SBNO2: variants seen among roughly 807,000 people sequenced by gnomAD.
The protein encoded by SBNO2 is strawberry notch homolog 2, also known as protein strawberry notch homolog 2.
SBNO2 carries 89 observed loss-of-function variants against 146.3 expected under a neutral mutation model. The ratio of observed to expected loss-of-function variants is 0.61; its 90% CI spans 0.51 to 0.73. SBNO2 has a LOEUF of 0.73. Ranked by LOEUF, SBNO2 falls within the 30% of genes least tolerant of loss-of-function variation. The pLI is 0.00. For missense variants in SBNO2, 2,092 were observed against 2,003.7 expected (o/e 1.04, Z -0.84); for synonymous variants, 1,147 against 892.6 (o/e 1.29, Z -5.08).
In SBNO2 at chr19:1,132,970, G is replaced by A. The variant is rs12971921; in HGVS notation, c.280-5205C>T. On this transcript the variant is annotated intron_variant, in intron 4 of 31. Transcript: ENST00000361757. ...GATGCACTTGCTGGGGCAACCCCGG[G>A]CCGCGAGCCCGCCCGCGGCCACACT... Among the ~76,000 whole-genome samples, 697 of 152,338 alleles carry A rather than the reference G, an allele frequency of 4.6e-3. 4 individuals are homozygous for A. Among genetic ancestry groups the A allele is most frequent in the African/African-American group, 0.01 (430 of 41,590 alleles).
intron 15 of SBNO2, 102 bp from the exon 16 acceptor site, chr19:1,117,028 C>A: frequency 8.8e-7 from 1 of 1,130,844 alleles, no homozygotes; most frequent in South Asian, 1.4e-5. Context: ...CCTCACTCTG[C>A]TGCTGTGCTC....
In SBNO2 at chr19:1,119,143, G is replaced by A. The variant is rs1303933236; in HGVS notation, c.1395C>T (p.Ile465=). 6.9e-6 allele frequency: 11 copies of A among 1,601,956 alleles called. No homozygotes were observed. Among genetic ancestry groups the A allele is most frequent in the Admixed American group, 1.7e-5 (1 of 59,260 alleles). Residue 465 remains isoleucine, a synonymous_variant, in exon 14 of 32, where the codon ATC becomes ATT. Coordinates refer to ENST00000361757, the MANE Select transcript of SBNO2 (RefSeq NM_014963.3). The part of the protein sequence containing the change: ...IEKRGVGAME[I]VAMDMKVSGM... Reference sequence around the variant, plus strand: ...CGCTGACCTTCATGTCCATGGCCACGATCTCCATGGCGCCAACGCCCCTGC... The same window carrying A: ...CGCTGACCTTCATGTCCATGGCCACAATCTCCATGGCGCCAACGCCCCTGC...
At chr19:1,128,593 G>A (rs886883039) in intron 4 of SBNO2, among the ~76,000 whole-genome samples, 1 of 151,346 alleles carries the variant, frequency 6.6e-6, no homozygotes, top group Non-Finnish European at 1.5e-5. Flanking sequence ...GGGTTTCACC[G>A]TGTTGGTCAG....
At chr19:1,120,768 A>G (rs1293047787) in intron 11 of SBNO2, among the ~76,000 whole-genome samples, 1 of 152,190 alleles carries the variant, frequency 6.6e-6, no homozygotes, top group Non-Finnish European at 1.5e-5. Flanking sequence ...TCCCTGGTTC[A>G]AGCGATTCTC....
chr19:1,130,424 C>T (rs992618297), intron 4 of SBNO2, among the ~76,000 whole-genome samples: 2 of 151,438 alleles, frequency 1.3e-5, no homozygotes, highest in Non-Finnish European at 2.9e-5. Context: ...CCCAGGTGGT[C>T]GAGGCTGCAG....
rs1365649935 is a variant in SBNO2, at chr19:1,157,998, C to T, written c.-126-3596G>A. 6.6e-6 allele frequency among the ~76,000 whole-genome samples: 1 copy of T among 150,792 alleles called. No homozygotes were observed. Among genetic ancestry groups the T allele is most frequent in the African/African-American group, 2.5e-5 (1 of 40,468 alleles). ...GTCCGGATAACTGTCCGCCTCCCAG[C>T]TCTCTCCTGAGTCTGGGTAACTGCA... is the stretch of plus-strand genomic sequence containing the variant. On this transcript the variant is annotated intron_variant, in intron 1 of 31. Transcript: ENST00000361757. The surrounding 1 kb of genome is among the most constrained non-coding windows in gnomAD (Gnocchi z 6.8).
intron 11 of SBNO2, among the ~76,000 whole-genome samples, chr19:1,120,912 GAC>G (rs1442472276): frequency 1.1e-4 from 17 of 148,932 alleles, no homozygotes; most frequent in East Asian, 5.9e-4. Context: ...TTTTAGATGA[GAC>G]ACAGTCTCGC....
Position 1,173,064 on chromosome 19 carries a change from A to G in SBNO2, c.-127+1108T>C, listed in dbSNP as rs2080496953. 1.3e-5 allele frequency among the ~76,000 whole-genome samples: 2 copies of G among 149,996 alleles called. No individual in the cohort carries two copies. Among genetic ancestry groups the G allele is most frequent in the South Asian group, 2.1e-4 (1 of 4,756 alleles). On this transcript the variant is annotated intron_variant, in intron 1 of 31. Coordinates refer to ENST00000361757, the MANE Select transcript of SBNO2 (RefSeq NM_014963.3). The surrounding 1 kb of genome is among the most constrained non-coding windows in gnomAD (Gnocchi z 4.7). ...GGGAGACACCCACCGTCCCTGCCCC[A>G]GCACCATCCGTGCCCGGCGTCCCTG...
chr19:1,162,176 A>G, intron 1 of SBNO2, among the ~76,000 whole-genome samples: 1 of 6,604 alleles, frequency 1.5e-4, no homozygotes, highest in Non-Finnish European at 4.0e-4. Context: ...TTAAAATAAT[A>G]CAGCCGGGAA....
chr19:1,127,522 A>C (rs778296114), intron 5 of SBNO2, 82 bp downstream of exon 5: 7 of 1,314,400 alleles, frequency 5.3e-6, no homozygotes, highest in Non-Finnish European at 7.5e-6. Flanking sequence ...GGAGACTGAG[A>C]CCTCACTGGA....
intron 16 of SBNO2, 105 bp from the exon 17 acceptor site, chr19:1,116,208 C>T: frequency 2.0e-6 from 2 of 1,012,926 alleles, no homozygotes; most frequent in Admixed American, 4.6e-5. Context: ...GGGTCCCGGA[C>T]AGGACCGGGC....
chr19:1,140,316 C>G lies in SBNO2; in HGVS notation c.279+6993G>C, dbSNP rs1030123964. 1.7e-4 allele frequency among the ~76,000 whole-genome samples: 26 copies of G among 151,074 alleles called. No homozygotes were observed. The highest frequency in any genetic ancestry group is 6.3e-4 in the African/African-American group (26 of 41,158). ...TTTCATCTCAAAAAAAAAAAAAAAG[C>G]AGCAGCAACACAGAGCCACGTGTCC... On this transcript the variant is annotated intron_variant, in intron 4 of 31. Coordinates refer to ENST00000361757, the MANE Select transcript of SBNO2 (RefSeq NM_014963.3). This position sits in a 1 kb window ranked among gnomAD's most constrained non-coding sequence, Gnocchi z 4.4.
At chr19:1,134,499 G>C (rs1315513084) in intron 4 of SBNO2, among the ~76,000 whole-genome samples, 1 of 144,362 alleles carries the variant, frequency 6.9e-6, no homozygotes, top group Non-Finnish European at 1.5e-5. Flanking sequence ...CCACAGCACG[G>C]ATGCACCTTG....
chr19:1,109,715 G>A lies in SBNO2; in HGVS notation c.3091C>T (p.His1031Tyr), dbSNP rs1224590021. Residue 1031 changes from histidine (H) to tyrosine (Y), a missense_variant, in exon 27 of 32, where the codon CAC becomes TAC. His to Tyr is a moderately conservative substitution (Grantham distance 83). Coordinates refer to ENST00000361757, the MANE Select transcript of SBNO2 (RefSeq NM_014963.3). This position sits in a 1 kb window ranked among gnomAD's most constrained non-coding sequence, Gnocchi z 4.2. ...AAGACCACCTGCCCGTCCTGCGGGT[G>A]CCCGGGAGCCAGGAACACCTGCTGG... ...ESQQVFLAPG[H>Y]PQDGQVVFYK... The A allele has an allele frequency of 4.4e-6, 7 of 1,606,604 alleles. No homozygotes were observed. Among genetic ancestry groups the A allele is most frequent in the Non-Finnish European group, 5.1e-6 (6 of 1,175,750 alleles).
In SBNO2 at chr19:1,112,914, G is replaced by T; in HGVS notation, c.2283C>A (p.Pro761=). The change falls in exon 20 of 32, where the codon CCC becomes CCA. Residue 761 remains proline (P), a synonymous_variant. Transcript: ENST00000361757. This position sits in a 1 kb window ranked among gnomAD's most constrained non-coding sequence, Gnocchi z 5.9. ...TGRKGRVVSR[P]DGTVAFESRA... is the part of the protein sequence containing the mutation. ...GCGACTCGAAGGCCACCGTCCCGTC[G>T]GGCCTGGACACCACGCGGCCTTTCC... The T allele has an allele frequency of 6.4e-7, 1 of 1,568,446 alleles. No homozygotes were observed. The highest frequency in any genetic ancestry group is 2.4e-5 in the East Asian group (1 of 41,966).
At position 1,112,146 on chromosome 19, in the gene SBNO2, C is replaced by T; in HGVS notation, c.2628+43G>A. The stretch of plus-strand genomic sequence containing the variant: ...CCCCACAAAGCTTTGGAGAGCCTTC[C>T]TGGGCCTGTCCCTGGTTCTCAGCCC... On this transcript the variant is annotated intron_variant, in intron 22 of 31. Coordinates refer to ENST00000361757, the MANE Select transcript of SBNO2 (RefSeq NM_014963.3). The surrounding 1 kb of genome is among the most constrained non-coding windows in gnomAD (Gnocchi z 5.9). 6.3e-7 allele frequency: 1 copy of T among 1,594,168 alleles called. No homozygotes were observed. The highest frequency in any genetic ancestry group is 2.3e-5 in the East Asian group (1 of 44,132).
At chr19:1,123,499 C>T in intron 7 of SBNO2, 35 bp downstream of exon 7, 1 of 1,585,446 alleles carries the variant, frequency 6.3e-7, no homozygotes, top group South Asian at 1.1e-5. Context: ...AGGGTTTGAA[C>T]CTGTCCCAGG....
intron 14 of SBNO2, 26 bp downstream of exon 14, chr19:1,118,985 T>A (rs1279848396): frequency 6.4e-7 from 1 of 1,562,368 alleles, no homozygotes; most frequent in East Asian, 2.3e-5. Context: ...CGCACAGGGG[T>A]CCCCGGGTCG....
chr19:1,154,034 G>A (rs1367958788), intron 2 of SBNO2, 150 bp downstream of exon 2: 1 of 399,676 alleles, frequency 2.5e-6, no homozygotes. Context: ...ACGGGGGCGG[G>A]TGGAGCCGGG....
Sources: gnomAD v4.1 joint callset for allele counts (sites outside exome capture counted in the v4.1 genomes callset) on GRCh38, gnomAD v4.1.1 for gene constraint, Gnocchi (gnomAD v3.1) non-coding constraint, MANE v1.5 for transcripts, NCBI Gene and HGNC (gene_info 2026-07-23, HGNC 2026-07-21) for gene names.